PLA2G4A: variants seen among roughly 807,000 people sequenced by gnomAD.
The protein encoded by PLA2G4A is cytosolic phospholipase A2.
A neutral mutation model predicts 81.9 loss-of-function variants in PLA2G4A; 40 were observed. The observed-to-expected ratio is 0.49, with a 90% CI of 0.38 to 0.64. The LOEUF is 0.64. Ranked by LOEUF, PLA2G4A falls within the 30% of genes least tolerant of loss-of-function variation. The pLI, the probability that PLA2G4A is intolerant of heterozygous loss-of-function variation, is 0.00. For synonymous variants in PLA2G4A, 302 were observed against 296.9 expected (o/e 1.02, Z -0.18); for missense variants, 715 against 905.1 (o/e 0.79, Z 2.69).
chr1:186,936,506 T>G (rs1048724791), intron 8 of PLA2G4A, among the ~76,000 whole-genome samples: 1 of 151,886 alleles, frequency 6.6e-6, no homozygotes, highest in Non-Finnish European at 1.5e-5. Flanking sequence ...TTTTAAAGGG[T>G]TTCAAGATAT....
intron 5 of PLA2G4A, among the ~76,000 whole-genome samples, chr1:186,899,091 A>G (rs1298716925): frequency 6.6e-6 from 1 of 152,206 alleles, no homozygotes; most frequent in Non-Finnish European, 1.5e-5. Flanking sequence ...CTGCCAGATG[A>G]TGATAATGAC....
At chr1:186,910,662 T>C (rs559058050) in intron 6 of PLA2G4A, among the ~76,000 whole-genome samples, 1 of 152,272 alleles carries the variant, frequency 6.6e-6, no homozygotes, top group African/African-American at 2.4e-5. Context: ...CAAGATAAAG[T>C]ATATATAATT....
At chr1:186,899,998 C>A (rs553023492) in intron 5 of PLA2G4A, among the ~76,000 whole-genome samples, 90 of 146,878 alleles carry the variant, frequency 6.1e-4, no homozygotes, top group African/African-American at 1.9e-3. Flanking sequence ...TTGATTTTAT[C>A]ACTCAACTTT....
At position 186,988,512 on chromosome 1, in the gene PLA2G4A, A is replaced by G. The variant is rs769247482; in HGVS notation, c.*4A>G. 2 of 1,610,388 alleles carry G rather than the reference A, an allele frequency of 1.2e-6. No individual in the cohort carries two copies. The highest frequency in any genetic ancestry group is 1.7e-5 in the Admixed American group (1 of 59,932). ...TCTAAGTAAACCCAAAGCATAGTTCATGTACTGGAAATGGCAGCAGTTTCT... is the reference window on the plus strand; with the variant it reads ...TCTAAGTAAACCCAAAGCATAGTTCGTGTACTGGAAATGGCAGCAGTTTCT... On this transcript the variant is annotated 3_prime_UTR_variant, in exon 18 of 18. Transcript: ENST00000367466.
chr1:186,965,239 G>C (rs564865761), intron 14 of PLA2G4A, among the ~76,000 whole-genome samples, 170 bp from the exon 15 acceptor site: 1 of 152,228 alleles, frequency 6.6e-6, no homozygotes, highest in Admixed American at 6.5e-5. Flanking sequence ...AAGACTTAAA[G>C]GTAATAATTA....
chr1:186,953,492 ATAAT>A (rs61116146), intron 13 of PLA2G4A, among the ~76,000 whole-genome samples: 145,650 of 152,056 alleles, frequency 0.96, 69,804 homozygotes, highest in East Asian at 1. Flanking sequence ...TCTGTTGCAA[ATAAT>A]TTCTTTCAAT....
At chr1:186,954,376 T>C (rs1466822564) in intron 13 of PLA2G4A, among the ~76,000 whole-genome samples, 2 of 151,688 alleles carry the variant, frequency 1.3e-5, no homozygotes, top group African/African-American at 2.4e-5. Context: ...CACTCATAGG[T>C]GGGAATTAAA....
In PLA2G4A at chr1:186,932,855, T is replaced by C. The variant is rs1480574943; in HGVS notation, c.651T>C (p.Ile217=). Residue 217 remains isoleucine, a synonymous_variant, in exon 8 of 18, where the codon ATT becomes ATC. Transcript: ENST00000367466. ...GVMKALYESG[I]LDCATYVAGL... ...TGAAGGCATTATACGAATCAGGAATTCTGGATTGTGCTACCTACGTTGCTG... is the reference window on the plus strand; with the variant it reads ...TGAAGGCATTATACGAATCAGGAATCCTGGATTGTGCTACCTACGTTGCTG... 8.7e-6 allele frequency: 14 copies of C among 1,613,370 alleles called. No individual in the cohort carries two copies. The highest frequency in any genetic ancestry group is 1.1e-5 in the Non-Finnish European group (13 of 1,179,320).
chr1:186,959,792 T>G (rs1336130744), intron 14 of PLA2G4A, among the ~76,000 whole-genome samples: 4 of 152,104 alleles, frequency 2.6e-5, no homozygotes, highest in Non-Finnish European at 4.4e-5. Context: ...GTTCATAAGG[T>G]CCTCCTTAAA....
chr1:186,853,686 C>T (rs1652455891), intron 1 of PLA2G4A, among the ~76,000 whole-genome samples: 1 of 151,660 alleles, frequency 6.6e-6, no homozygotes. Context: ...TTTTAAATAA[C>T]AGAGTAAGTG....
At chr1:186,834,951 A>G (rs1179282946) in intron 1 of PLA2G4A, among the ~76,000 whole-genome samples, 1 of 152,196 alleles carries the variant, frequency 6.6e-6, no homozygotes, top group Non-Finnish European at 1.5e-5. Flanking sequence ...ACCTTTCCAA[A>G]TAATTCAGTA....
At chr1:186,890,010 G>T (rs886619163) in intron 3 of PLA2G4A, among the ~76,000 whole-genome samples, 4 of 152,128 alleles carry the variant, frequency 2.6e-5, no homozygotes, top group Non-Finnish European at 5.9e-5. Context: ...ATATTTCTCA[G>T]TTCCTGTTAC....
chr1:186,938,225 C>T (rs556619946), intron 8 of PLA2G4A, among the ~76,000 whole-genome samples: 18 of 151,904 alleles, frequency 1.2e-4, no homozygotes, highest in African/African-American at 3.6e-4. Context: ...GATAAGTAAA[C>T]GAGTAATTAA....
chr1:186,909,135 G>A (rs769700247), intron 6 of PLA2G4A, among the ~76,000 whole-genome samples: 2 of 150,022 alleles, frequency 1.3e-5, no homozygotes, highest in Non-Finnish European at 3.0e-5. Context: ...CACCACGCCC[G>A]GCTAATTTTT....
chr1:186,907,650 A>G (rs1654788403), intron 6 of PLA2G4A, among the ~76,000 whole-genome samples: 2 of 152,216 alleles, frequency 1.3e-5, no homozygotes, highest in Non-Finnish European at 2.9e-5. Flanking sequence ...ACTTGATTTG[A>G]CCAAAGTTAT....
intron 7 of PLA2G4A, among the ~76,000 whole-genome samples, chr1:186,925,854 T>A (rs926894556): frequency 1.3e-5 from 2 of 152,230 alleles, no homozygotes; most frequent in Non-Finnish European, 2.9e-5. Context: ...TTAAGTTTTA[T>A]GAGGGCCAGG....
At chr1:186,842,973 G>GA (rs2102009968) in intron 1 of PLA2G4A, among the ~76,000 whole-genome samples, 1 of 152,228 alleles carries the variant, frequency 6.6e-6, no homozygotes, top group South Asian at 2.1e-4. Flanking sequence ...TTTGTAGAGT[G>GA]AAAAAATGAC....
intron 5 of PLA2G4A, among the ~76,000 whole-genome samples, chr1:186,898,044 A>G (rs1200436408): frequency 3.3e-5 from 5 of 152,166 alleles, no homozygotes; most frequent in Non-Finnish European, 5.9e-5. Context: ...GCTTGCACTT[A>G]TAAGTACAAT....
At chr1:186,968,985 G>C (rs539746434) in intron 15 of PLA2G4A, among the ~76,000 whole-genome samples, 1 of 151,758 alleles carries the variant, frequency 6.6e-6, no homozygotes, top group South Asian at 2.1e-4. Context: ...TGAATGGTTT[G>C]TCATGCTTAT....
Sources: allele counts gnomAD v4.1 joint callset (sites outside exome capture counted in the v4.1 genomes callset), GRCh38; gene constraint gnomAD v4.1.1; transcripts MANE v1.5; gene names NCBI Gene and HGNC (gene_info 2026-07-23, HGNC 2026-07-21).